The following CNTNAP2 variants were observed in gnomAD, a reference collection of about 807,000 sequenced individuals.
CNTNAP2 encodes contactin-associated protein-like 2.
CNTNAP2 carries 98 observed loss-of-function variants against 155.2 expected under a neutral mutation model. The observed-to-expected ratio is 0.63, with a 90% CI of 0.54 to 0.75. The LOEUF (loss-of-function observed/expected upper bound fraction) is 0.75. Among genes scored for constraint, CNTNAP2 ranks in the 30% least tolerant of loss-of-function variants. The probability of loss-of-function intolerance (pLI) is 0.00; values close to 1 mark genes in which losing one functional copy is unlikely to be tolerated. For synonymous variants in CNTNAP2, 651 were observed against 631.2 expected, an observed-to-expected ratio of 1.03 and a Z score of -0.47; for missense variants, 1,727 against 1,688.1, an observed-to-expected ratio of 1.02 and a Z score of -0.40.
intron 1 of CNTNAP2, among the ~76,000 whole-genome samples, chr7:146,422,519 C>A (rs1382925839): frequency 6.6e-6 from 1 of 151,622 alleles, no homozygotes; most frequent in Non-Finnish European, 1.5e-5. Context: ...TGACATTTTT[C>A]ATCTCTATTT....
At chr7:147,564,752 C>A (rs1455297571) in intron 12 of CNTNAP2, among the ~76,000 whole-genome samples, 1 of 152,190 alleles carries the variant, frequency 6.6e-6, no homozygotes, top group African/African-American at 2.4e-5. Context: ...TCATCAATAT[C>A]TCCCTTAAAC....
intron 9 of CNTNAP2, among the ~76,000 whole-genome samples, chr7:147,350,353 A>T (rs1056991700): frequency 6.6e-6 from 1 of 151,872 alleles, no homozygotes; most frequent in African/African-American, 2.4e-5. Flanking sequence ...TATTAACTTA[A>T]ATTTTCCTAT....
chr7:146,931,855 T>C (rs1006845793), intron 3 of CNTNAP2, among the ~76,000 whole-genome samples: 1 of 152,212 alleles, frequency 6.6e-6, no homozygotes, highest in African/African-American at 2.4e-5. Context: ...GATACATTCC[T>C]TGACACATAC....
chr7:146,601,894 C>A (rs1156318966), intron 1 of CNTNAP2, among the ~76,000 whole-genome samples: 1 of 151,580 alleles, frequency 6.6e-6, no homozygotes, highest in Non-Finnish European at 1.5e-5. Flanking sequence ...AATAAAAGAT[C>A]TAAATGAACT....
chr7:146,659,784 G>A (rs1417964020), intron 1 of CNTNAP2, among the ~76,000 whole-genome samples: 7 of 152,196 alleles, frequency 4.6e-5, no homozygotes, highest in African/African-American at 1.7e-4. Context: ...GCCCTTTTCA[G>A]GATTCCAAAC....
intron 21 of CNTNAP2, among the ~76,000 whole-genome samples, chr7:148,275,114 T>C (rs900304827): frequency 1.3e-5 from 2 of 152,216 alleles, no homozygotes; most frequent in Non-Finnish European, 1.5e-5. Context: ...GGAAACTTTA[T>C]ATATTCAAAT....
At chr7:146,665,800 A>AAAAAAAAAAAAAAAAAAC (rs1563179456) in intron 1 of CNTNAP2, among the ~76,000 whole-genome samples, 7 of 144,708 alleles carry the variant, frequency 4.8e-5, no homozygotes, top group African/African-American at 1.9e-4. Context: ...AAAAAAAAAT[A>AAAAAAAAAAAAAAAAAAC]CATTTTGTAA....
intron 21 of CNTNAP2, among the ~76,000 whole-genome samples, chr7:148,379,637 C>T (rs931396919): frequency 3.3e-5 from 5 of 152,096 alleles, no homozygotes; most frequent in Admixed American, 2.0e-4. Context: ...TGCTTGAGCC[C>T]GGGAGGTTGA....
intron 11 of CNTNAP2, among the ~76,000 whole-genome samples, chr7:147,524,389 T>TCAA (rs1799281191): frequency 6.6e-6 from 1 of 152,078 alleles, no homozygotes; most frequent in African/African-American, 2.4e-5. Flanking sequence ...AAACTCCATC[T>TCAA]CAACAACAAC....
intron 3 of CNTNAP2, among the ~76,000 whole-genome samples, chr7:146,996,424 C>A (rs968506734): frequency 2.0e-5 from 3 of 152,034 alleles, no homozygotes; most frequent in African/African-American, 7.2e-5. Flanking sequence ...GCGTAGAGAT[C>A]TTTCACCTCC....
intron 1 of CNTNAP2, among the ~76,000 whole-genome samples, chr7:146,137,969 G>T (rs1327346216): frequency 6.6e-6 from 1 of 151,752 alleles, no homozygotes; most frequent in South Asian, 2.1e-4. Flanking sequence ...TTTATAATGA[G>T]GTTTGGGTTT....
intron 1 of CNTNAP2, among the ~76,000 whole-genome samples, chr7:146,365,465 T>G (rs935188422): frequency 1.3e-5 from 2 of 152,222 alleles, no homozygotes; most frequent in Non-Finnish European, 2.9e-5. Context: ...AGTAATTAAA[T>G]TTCTACCTGG....
At chr7:146,720,337 C>G (rs1197231109) in intron 1 of CNTNAP2, among the ~76,000 whole-genome samples, 1 of 152,072 alleles carries the variant, frequency 6.6e-6, no homozygotes, top group Non-Finnish European at 1.5e-5. Flanking sequence ...CCTGAGTTTG[C>G]TAATGTTGCA....
chr7:146,292,268 G>A lies in CNTNAP2; in HGVS notation c.97+175295G>A, dbSNP rs535925303. Among the ~76,000 whole-genome samples the A allele has an allele frequency of 2.0e-5, 3 of 152,234 alleles. No individual in the cohort carries two copies. In the East Asian group the frequency reaches 5.8e-4, roughly 29 times the overall value. On this transcript the variant is annotated intron_variant, in intron 1 of 23. Coordinates refer to ENST00000361727, the MANE Select transcript of CNTNAP2 (RefSeq NM_014141.6). ...ATCTTCCACTTATAAGTGAGAACATGAGATGTTTGATTCCCTGTTCCTGCA... is the reference window on the plus strand; with the variant it reads ...ATCTTCCACTTATAAGTGAGAACATAAGATGTTTGATTCCCTGTTCCTGCA...
chr7:146,859,009 A>G (rs1317553667), intron 3 of CNTNAP2, among the ~76,000 whole-genome samples: 1 of 152,220 alleles, frequency 6.6e-6, no homozygotes, highest in Non-Finnish European at 1.5e-5. Context: ...AAACTTTCAT[A>G]AGAAAGGCCC....
chr7:148,137,599 T>C lies in CNTNAP2; in HGVS notation c.2555-9892T>C, dbSNP rs1034061580. ...ATAATTTAAACCTGGGAGGTGGAGGTTGCAGTGAGCTGAGATCACACCATT... is the reference window on the plus strand; with the variant it reads ...ATAATTTAAACCTGGGAGGTGGAGGCTGCAGTGAGCTGAGATCACACCATT... On this transcript the variant is annotated intron_variant, in intron 16 of 23. Transcript: ENST00000361727. Among the ~76,000 whole-genome samples, 2 of 150,080 alleles carry C rather than the reference T, an allele frequency of 1.3e-5. 1 individual carries two copies. The highest frequency in any genetic ancestry group is 1.3e-4 in the Admixed American group (2 of 14,954).
chr7:146,759,943 C>T (rs1041102627), intron 1 of CNTNAP2, among the ~76,000 whole-genome samples: 2 of 152,102 alleles, frequency 1.3e-5, no homozygotes, highest in African/African-American at 2.4e-5. Flanking sequence ...AATAAACCTT[C>T]GGTAGTTTTG....
chr7:148,413,401 A>AAAAAAAATATATAT (rs1442990213), intron 23 of CNTNAP2, among the ~76,000 whole-genome samples: 5 of 45,366 alleles, frequency 1.1e-4, no homozygotes, highest in African/African-American at 6.3e-4. Context: ...TCAAAAAAAA[A>AAAAAAAATATATAT]ATATATATAT....
At chr7:146,400,285 A>G (rs1443080410) in intron 1 of CNTNAP2, among the ~76,000 whole-genome samples, 4 of 152,142 alleles carry the variant, frequency 2.6e-5, no homozygotes, top group Admixed American at 2.6e-4. Context: ...AAAATATGAA[A>G]AAAAGGAGGC....
Sources: allele counts gnomAD v4.1 joint callset (sites outside exome capture counted in the v4.1 genomes callset), GRCh38; gene constraint gnomAD v4.1.1; transcripts MANE v1.5; gene names NCBI Gene and HGNC (gene_info 2026-07-23, HGNC 2026-07-21).